Variants in FOXP1 observed in about 807,000 individuals in gnomAD.
FOXP1 encodes forkhead box protein P1.
FOXP1 carries 15 observed loss-of-function variants against 98.2 expected under a neutral mutation model. The ratio of observed to expected loss-of-function variants is 0.15; its 90% confidence interval spans 0.10 to 0.24. The LOEUF is 0.24. FOXP1 is among the 10% of genes least tolerant of loss of function. The pLI, the probability that FOXP1 is intolerant of heterozygous loss-of-function variation, is 1.00. For missense variants in FOXP1, 633 were observed against 848.5 expected, an observed-to-expected ratio of 0.75 and a Z score of 3.15; for synonymous variants, 371 against 314.5, an observed-to-expected ratio of 1.18 and a Z score of -1.90.
chr3:71,263,238 G>A (rs558766345), intron 5 of FOXP1, among the ~76,000 whole-genome samples: 7 of 152,184 alleles, frequency 4.6e-5, no homozygotes, highest in South Asian at 2.1e-4. Context: ...CAGACTTCCC[G>A]TCCTGTGGAA....
chr3:71,482,438 AGCTCACTG>A (rs1455855546), intron 3 of FOXP1, among the ~76,000 whole-genome samples: 23 of 143,526 alleles, frequency 1.6e-4, no homozygotes, highest in Admixed American at 9.0e-4. Context: ...GTGAGGTCTC[AGCTCACTG>A]CAACCTCGGC....
At chr3:71,182,496 A>ATGTGTGTGTG (rs1386870282) in intron 6 of FOXP1, among the ~76,000 whole-genome samples, 11 of 140,794 alleles carry the variant, frequency 7.8e-5, no homozygotes, top group African/African-American at 2.9e-4. Flanking sequence ...AGTGTAAACT[A>ATGTGTGTGTG]TATATATGTG....
intron 3 of FOXP1, among the ~76,000 whole-genome samples, chr3:71,401,821 T>A (rs767381020): frequency 3.3e-5 from 5 of 152,304 alleles, no homozygotes; most frequent in Admixed American, 1.3e-4. Flanking sequence ...ACAAAGTGAA[T>A]GGACACAACA....
At chr3:71,246,234 T>C (rs1260819992) in intron 5 of FOXP1, among the ~76,000 whole-genome samples, 1 of 152,052 alleles carries the variant, frequency 6.6e-6, no homozygotes, top group African/African-American at 2.4e-5. Flanking sequence ...AAAATGAGGG[T>C]GCTTCGGTAG....
intron 5 of FOXP1, among the ~76,000 whole-genome samples, chr3:71,266,255 A>T (rs952528609): frequency 7.3e-5 from 11 of 151,442 alleles, no homozygotes; most frequent in African/African-American, 9.7e-5. Flanking sequence ...AAATTTGTTT[A>T]TTTTTTTTGA....
chr3:71,240,035 G>A (rs1305605273), intron 5 of FOXP1, among the ~76,000 whole-genome samples: 3 of 152,240 alleles, frequency 2.0e-5, no homozygotes, highest in Non-Finnish European at 4.4e-5. Flanking sequence ...GGGGGGCTTC[G>A]AAAGGAAGTA....
At chr3:71,477,194 C>T (rs945286637) in intron 3 of FOXP1, among the ~76,000 whole-genome samples, 4 of 152,152 alleles carry the variant, frequency 2.6e-5, no homozygotes, top group Admixed American at 2.6e-4. Context: ...AAAAGCAGCA[C>T]ACAATGCTGC....
intron 4 of FOXP1, among the ~76,000 whole-genome samples, chr3:71,327,450 C>T (rs971358087): frequency 6.4e-5 from 9 of 139,862 alleles, no homozygotes; most frequent in African/African-American, 1.9e-4. Context: ...TGCAGTGGTG[C>T]GATCTCAGCT....
chr3:71,457,679 T>C (rs927736739), intron 3 of FOXP1, among the ~76,000 whole-genome samples: 10 of 152,300 alleles, frequency 6.6e-5, no homozygotes, highest in African/African-American at 2.4e-4. Context: ...AACTGAGAAC[T>C]CCTGTACACA....
At chr3:71,315,191 G>T (rs1389564998) in intron 4 of FOXP1, among the ~76,000 whole-genome samples, 2 of 150,148 alleles carry the variant, frequency 1.3e-5, no homozygotes, top group Admixed American at 6.7e-5. Flanking sequence ...TTATTTAATT[G>T]CTAAGGCACT....
intron 6 of FOXP1, among the ~76,000 whole-genome samples, chr3:71,114,334 G>A (rs1343498287): frequency 6.6e-6 from 1 of 152,234 alleles, no homozygotes; most frequent in African/African-American, 2.4e-5. Context: ...AAGAAAGAGA[G>A]AACAGAGTGG....
intron 7 of FOXP1, among the ~76,000 whole-genome samples, chr3:71,095,305 G>A (rs772577323): frequency 4.6e-5 from 7 of 152,158 alleles, no homozygotes; most frequent in Non-Finnish European, 1.0e-4. Context: ...GGCCTCACAC[G>A]GTTGGTCTTA....
chr3:71,530,995 T>A (rs1433918278), intron 2 of FOXP1, among the ~76,000 whole-genome samples: 1 of 152,022 alleles, frequency 6.6e-6, no homozygotes, highest in African/African-American at 2.4e-5. Context: ...ATTTTATAAA[T>A]CAAGATTCTT....
At chr3:71,007,292 A>T (rs2042927155) in intron 12 of FOXP1, among the ~76,000 whole-genome samples, 1 of 152,094 alleles carries the variant, frequency 6.6e-6, no homozygotes, top group Non-Finnish European at 1.5e-5. Flanking sequence ...TTAAATTGTG[A>T]GGCTGGAATT....
At chr3:71,212,819 T>G (rs1430039165) in intron 5 of FOXP1, among the ~76,000 whole-genome samples, 1 of 152,120 alleles carries the variant, frequency 6.6e-6, no homozygotes, top group African/African-American at 2.4e-5. Context: ...CTTAAAATCT[T>G]AAGAAATTGC....
intron 4 of FOXP1, among the ~76,000 whole-genome samples, chr3:71,331,885 TC>T (rs138579117): frequency 0.59 from 89,665 of 151,742 alleles, 27,910 homozygotes; most frequent in East Asian, 0.9. Context: ...ATCTAGCTAA[TC>T]TAGTGGGGAG....
At chr3:71,152,641 AC>A (rs147308358) in intron 6 of FOXP1, among the ~76,000 whole-genome samples, 60 of 152,176 alleles carry the variant, frequency 3.9e-4, no homozygotes, top group African/African-American at 1.4e-3. Context: ...TAGTTCTATG[AC>A]CTTGAGGAAG....
intron 2 of FOXP1, among the ~76,000 whole-genome samples, chr3:71,521,547 A>AG (rs747555687): frequency 4.1e-4 from 45 of 109,758 alleles, no homozygotes; most frequent in Middle Eastern, 4.5e-3. Context: ...GGGCAGGGGG[A>AG]GGGGGGGGAC....
At chr3:71,475,773 C>T (rs1577717409) in intron 3 of FOXP1, among the ~76,000 whole-genome samples, 1 of 151,950 alleles carries the variant, frequency 6.6e-6, no homozygotes, top group Non-Finnish European at 1.5e-5. Context: ...ACCCGGGAGG[C>T]GGAGGTTGCA....
Sources: allele counts gnomAD v4.1 joint callset (sites outside exome capture counted in the v4.1 genomes callset), GRCh38; gene constraint gnomAD v4.1.1; transcripts MANE v1.5; gene names NCBI Gene and HGNC (gene_info 2026-07-23, HGNC 2026-07-21).